EGLN3: variants seen among roughly 807,000 people sequenced by gnomAD.
EGLN3 encodes the protein egl-9 family hypoxia inducible factor 3, also known as prolyl hydroxylase EGLN3.
Under a neutral mutation model 26.0 loss-of-function variants are expected in EGLN3, and 15 were observed. The observed-to-expected ratio is 0.58, with a 90% CI of 0.39 to 0.89. EGLN3 has a LOEUF of 0.89. EGLN3 is among the 40% of genes least tolerant of loss of function. The pLI is 0.00. For missense variants in EGLN3, 238 were observed against 311.6 expected (o/e 0.76, Z 1.78); for synonymous variants, 147 against 127.2 (o/e 1.16, Z -1.05).
rs983017015 is a variant in EGLN3 at position 33,924,252 on chromosome 14, A to G, written c.*1639T>C. ...TGTAGGAGACTGAGTTTATTCAACA[A>G]GTATTTACTGAGCCCTTACTATGTT... On this transcript the variant is annotated 3_prime_UTR_variant, in exon 5 of 5. Transcript: ENST00000250457. 9 of 152,220 alleles carry G rather than the reference A, an allele frequency of 5.9e-5. No homozygotes were observed. The highest frequency in any genetic ancestry group is 1.9e-4 in the African/African-American group (8 of 41,454). 9.4% of individuals were successfully genotyped at this position (152,220 alleles called of 1,614,324 possible). A position where few individuals can be genotyped will look rare whatever the true frequency, so the allele number is the denominator to read the frequency against.
intron 1 of EGLN3, among the ~76,000 whole-genome samples, chr14:33,943,426 C>T (rs866856657): frequency 6.6e-6 from 1 of 152,132 alleles, no homozygotes; most frequent in East Asian, 1.9e-4. Flanking sequence ...TAGAGAAAAG[C>T]GACACCCGTT....
chr14:33,949,032 T>C (rs1187499815), intron 1 of EGLN3: 2 of 152,212 alleles, frequency 1.3e-5, no homozygotes, highest in Non-Finnish European at 2.9e-5. Context: ...ATCAATCTCC[T>C]ACAGAGTTCA....
rs545605249 is a variant in EGLN3 at position 33,939,267 on chromosome 14, C to G, written c.358-8052G>C. ...GCTCTGTCACCCAGGCTGGAGTGCA[C>G]TGGCGCGATCTCGGCTCACTGCAAG... On this transcript the variant is annotated intron_variant, in intron 1 of 4. Coordinates refer to ENST00000250457, the MANE Select transcript of EGLN3 (RefSeq NM_022073.4). 1.5e-4 allele frequency among the ~76,000 whole-genome samples: 23 copies of G among 151,896 alleles called. No homozygotes were observed. The East Asian group carries it at 3.1e-3, about 21-fold the overall frequency.
intron 1 of EGLN3, among the ~76,000 whole-genome samples, chr14:33,939,016 A>G (rs1191211229): frequency 6.6e-6 from 1 of 152,232 alleles, no homozygotes; most frequent in Non-Finnish European, 1.5e-5. Flanking sequence ...CATAACAGAG[A>G]CAAGGAATAC....
intron 1 of EGLN3, among the ~76,000 whole-genome samples, chr14:33,935,435 G>A (rs765023050): frequency 1.3e-5 from 2 of 152,130 alleles, no homozygotes; most frequent in Non-Finnish European, 2.9e-5. Flanking sequence ...GAACTCTGGT[G>A]TGTGTTATGC....
chr14:33,931,535 A>G (rs2064403968), intron 1 of EGLN3, among the ~76,000 whole-genome samples: 1 of 152,200 alleles, frequency 6.6e-6, no homozygotes. Flanking sequence ...GCCTTTCTTC[A>G]ATACTCCTTT....
intron 1 of EGLN3, among the ~76,000 whole-genome samples, chr14:33,935,370 C>T (rs1451181383): frequency 6.6e-6 from 1 of 152,090 alleles, no homozygotes; most frequent in Non-Finnish European, 1.5e-5. Context: ...ACTAAAATAG[C>T]TTTCGATGTT....
Position 33,924,654 on chromosome 14 carries a change from C to G in EGLN3, c.*1237G>C, listed in dbSNP as rs560254891. ...TAAAACATGAAAGTAATACTGAAAA[C>G]TAGGAAAAGTAGCTTTTGCAAAATA... is the stretch of plus-strand genomic sequence containing the variant. On this transcript the variant is annotated 3_prime_UTR_variant, in exon 5 of 5. Coordinates refer to ENST00000250457, the MANE Select transcript of EGLN3 (RefSeq NM_022073.4). The G allele has an allele frequency of 1.3e-5, 2 of 152,032 alleles. No individual in the cohort carries two copies. The highest frequency in any genetic ancestry group is 2.1e-4 in the South Asian group (1 of 4,806). The allele number at this position is 152,032 out of a possible 1,614,324, so 9.4% of individuals were successfully genotyped here.
Position 33,926,356 on chromosome 14 carries a change from C to T in EGLN3, c.689-434G>A, listed in dbSNP as rs79582617. On this transcript the variant is annotated intron_variant, in intron 4 of 4. Coordinates refer to ENST00000250457, the MANE Select transcript of EGLN3 (RefSeq NM_022073.4). ...TTCCTTACTGCAGGATCTCTTAGCGCCTTAATTTAATATGCTAGTGAGCAA... is the reference window on the plus strand; with the variant it reads ...TTCCTTACTGCAGGATCTCTTAGCGTCTTAATTTAATATGCTAGTGAGCAA... 2.2e-3 allele frequency among the ~76,000 whole-genome samples: 330 copies of T among 152,274 alleles called. 3 individuals are homozygous for T. Among genetic ancestry groups the T allele is most frequent in the Non-Finnish European group, 3.5e-3 (238 of 68,024 alleles).
chr14:33,942,674 T>C (rs1324977422), intron 1 of EGLN3, among the ~76,000 whole-genome samples: 1 of 152,244 alleles, frequency 6.6e-6, no homozygotes, highest in Non-Finnish European at 1.5e-5. Flanking sequence ...TTTTTCATTT[T>C]GTTTTCTTCC....
intron 1 of EGLN3, among the ~76,000 whole-genome samples, chr14:33,946,769 ATCTTATTTAATGCT>A (rs1444602254): frequency 3.3e-5 from 5 of 152,168 alleles, no homozygotes; most frequent in Non-Finnish European, 5.9e-5. Context: ...CATAAACATC[ATCTTATTTAATGCT>A]TCTTCCTCCA....
intron 1 of EGLN3, among the ~76,000 whole-genome samples, chr14:33,934,473 A>AAAAAAC (rs2064426283): frequency 1.3e-5 from 2 of 151,914 alleles, no homozygotes; most frequent in African/African-American, 4.8e-5. Context: ...TCATAAAAAA[A>AAAAAAC]AAAAAAAAAC....
Position 33,925,793 on chromosome 14 carries a change from T to G in EGLN3, c.*98A>C. The G allele has an allele frequency of 2.2e-6, 3 of 1,370,652 alleles. No homozygotes were observed. Among genetic ancestry groups the G allele is most frequent in the Admixed American group, 1.7e-5 (1 of 58,410 alleles). 84.9% of individuals were successfully genotyped at this position (1,370,652 alleles called of 1,614,324 possible). On this transcript the variant is annotated 3_prime_UTR_variant, in exon 5 of 5. Coordinates refer to ENST00000250457, the MANE Select transcript of EGLN3 (RefSeq NM_022073.4). ...AGGATGCAAGAAGTAGCAGGGAGAT[T>G]GTTGTCACTGAAGAGGCCATCTTTG...
intron 1 of EGLN3, among the ~76,000 whole-genome samples, chr14:33,938,426 C>T (rs2064457267): frequency 3.9e-5 from 6 of 152,230 alleles, no homozygotes; most frequent in Admixed American, 3.9e-4. Context: ...TGGGTTTGGG[C>T]AGGCCGCCCT....
intron 4 of EGLN3, among the ~76,000 whole-genome samples, chr14:33,926,616 A>G (rs2064364165): frequency 6.6e-6 from 1 of 152,230 alleles, no homozygotes; most frequent in African/African-American, 2.4e-5. Context: ...TTTTGCCATC[A>G]TAACTGGGTT....
intron 3 of EGLN3, 134 bp from the exon 4 acceptor site, chr14:33,927,167 T>TTATTTATG (rs1299261418): frequency 8.7e-6 from 2 of 229,818 alleles, no homozygotes; most frequent in East Asian, 2.2e-4. Context: ...ATTTATTTAT[T>TTATTTATG]TATTTATTTA....
intron 2 of EGLN3, among the ~76,000 whole-genome samples, chr14:33,930,741 G>A (rs1214584159): frequency 6.6e-6 from 1 of 152,116 alleles, no homozygotes; most frequent in Non-Finnish European, 1.5e-5. Flanking sequence ...TGCTGCTGCT[G>A]GGAGGGAAAA....
At chr14:33,928,945 C>T in intron 3 of EGLN3, 131 bp downstream of exon 3, 1 of 1,149,112 alleles carries the variant, frequency 8.7e-7, no homozygotes, top group Non-Finnish European at 1.2e-6. Flanking sequence ...TTGTAGACTC[C>T]AAACAAGTTT....
At chr14:33,943,046 A>C (rs1231417136) in intron 1 of EGLN3, among the ~76,000 whole-genome samples, 2 of 152,240 alleles carry the variant, frequency 1.3e-5, no homozygotes, top group Non-Finnish European at 2.9e-5. Context: ...CTACAGACTC[A>C]CCAAAAACAG....
Sources: allele counts gnomAD v4.1 joint callset (sites outside exome capture counted in the v4.1 genomes callset), GRCh38; gene constraint gnomAD v4.1.1; transcripts MANE v1.5; gene names NCBI Gene and HGNC (gene_info 2026-07-23, HGNC 2026-07-21).